FRMD4A: variants seen among roughly 807,000 people sequenced by gnomAD.
The protein encoded by FRMD4A is FERM domain-containing protein 4A.
In FRMD4A, 29 loss-of-function variants were observed where a neutral mutation model predicts 129.1. That is an observed-to-expected ratio of 0.22 (90% CI 0.17 to 0.31). The LOEUF (loss-of-function observed/expected upper bound fraction) is 0.31, where lower values mean the gene tolerates loss of function less well. Ranked by LOEUF, FRMD4A falls within the 10% of genes least tolerant of loss-of-function variation. The pLI, the probability that FRMD4A is intolerant of heterozygous loss-of-function variation, is 1.00. For synonymous variants in FRMD4A, 634 were observed against 571.6 expected, an observed-to-expected ratio of 1.11 and a Z score of -1.56; for missense variants, 1,272 against 1,375.8, an observed-to-expected ratio of 0.92 and a Z score of 1.19.
Position 13,753,618 on chromosome 10 carries a change from C to T in FRMD4A, c.465-5799G>A, listed in dbSNP as rs988376527. 7.6e-5 allele frequency among the ~76,000 whole-genome samples: 11 copies of T among 144,026 alleles called. 1 individual carries two copies. The highest frequency in any genetic ancestry group is 2.8e-4 in the African/African-American group (11 of 38,620). 94.5% of individuals were successfully genotyped at this position (144,026 alleles called of 152,430 possible). On this transcript the variant is annotated intron_variant, in intron 8 of 24. Coordinates refer to ENST00000357447, the MANE Select transcript of FRMD4A (RefSeq NM_018027.5). ...AGAGCGCAGTTTTGAGATCATGGCTCACTGCAGCCTCCACCTCCCAGGCTC... is the reference window on the plus strand; with the variant it reads ...AGAGCGCAGTTTTGAGATCATGGCTTACTGCAGCCTCCACCTCCCAGGCTC...
rs752540404 is a variant in FRMD4A at position 13,657,224 on chromosome 10, C to CCCGCTG, written c.2359_2364dup (p.Gln787_Arg788dup). ...CTGGCTGAGCCCAGTGCGCCCGCCG[C>CCCGCTG]CCGCTGCCGCTGCCTCTGCCTCTGG... On this transcript the variant is annotated inframe_insertion, in exon 22 of 25. Transcript: ENST00000357447. The CCCGCTG allele has an allele frequency of 5.4e-5, 85 of 1,565,770 alleles. No individual in the cohort carries two copies. The highest frequency in any genetic ancestry group is 4.0e-4 in the East Asian group (17 of 42,652).
intron 13 of FRMD4A, among the ~76,000 whole-genome samples, chr10:13,704,015 C>A (rs908517584): frequency 6.8e-6 from 1 of 147,888 alleles, no homozygotes; most frequent in Non-Finnish European, 1.5e-5. Flanking sequence ...AAAAACAAAA[C>A]AAACAAACAA....
At chr10:14,160,984 C>T (rs941618007) in intron 2 of FRMD4A, among the ~76,000 whole-genome samples, 7 of 151,926 alleles carry the variant, frequency 4.6e-5, no homozygotes, top group Non-Finnish European at 7.4e-5. Flanking sequence ...ACGGGAGTTT[C>T]ACTCTTGTCG....
chr10:13,995,624 G>A (rs1224086695), intron 2 of FRMD4A, among the ~76,000 whole-genome samples: 1 of 152,170 alleles, frequency 6.6e-6, no homozygotes, highest in East Asian at 1.9e-4. Flanking sequence ...CGCTATGGCT[G>A]AACCAAAAGC....
intron 2 of FRMD4A, among the ~76,000 whole-genome samples, chr10:14,004,340 C>T (rs1326589612): frequency 9.2e-5 from 14 of 152,222 alleles, no homozygotes; most frequent in South Asian, 4.1e-4. Context: ...GTCAGGAGTT[C>T]GAGACCAGCC....
chr10:14,157,509 G>C (rs1403766741), intron 2 of FRMD4A, among the ~76,000 whole-genome samples: 9 of 152,126 alleles, frequency 5.9e-5, no homozygotes. Flanking sequence ...TTAGAATGGG[G>C]ATGATCACAT....
chr10:13,821,948 C>G lies in FRMD4A; in HGVS notation c.112-11040G>C, dbSNP rs1165164344. ...ATCCTTTGCCCCCGCTAATGTTACA[C>G]TTAGGGGACAGAGCAGGTCTCGAAG... On this transcript the variant is annotated intron_variant, in intron 3 of 24. Coordinates refer to ENST00000357447, the MANE Select transcript of FRMD4A (RefSeq NM_018027.5). This position sits in a 1 kb window ranked among gnomAD's most constrained non-coding sequence, Gnocchi z 4.3. 6.6e-6 allele frequency among the ~76,000 whole-genome samples: 1 copy of G among 152,062 alleles called. No homozygotes were observed. The highest frequency in any genetic ancestry group is 2.4e-5 in the African/African-American group (1 of 41,400).
intron 2 of FRMD4A, among the ~76,000 whole-genome samples, chr10:13,932,159 T>C (rs2095205679): frequency 6.6e-6 from 1 of 152,232 alleles, no homozygotes; most frequent in Non-Finnish European, 1.5e-5. Flanking sequence ...AAGTCTAAGT[T>C]TTGCAGAAGC....
chr10:13,761,259 T>C (rs758673693), intron 8 of FRMD4A, among the ~76,000 whole-genome samples: 2 of 152,172 alleles, frequency 1.3e-5, no homozygotes, highest in Non-Finnish European at 2.9e-5. Flanking sequence ...AGGGACTACA[T>C]TGAGAGAAAA....
chr10:13,824,052 A>G (rs2093665623), intron 3 of FRMD4A, among the ~76,000 whole-genome samples: 1 of 152,204 alleles, frequency 6.6e-6, no homozygotes, highest in African/African-American at 2.4e-5. Flanking sequence ...CCAAGTTCAG[A>G]GGGGGTTAAA....
intron 6 of FRMD4A, among the ~76,000 whole-genome samples, chr10:13,762,918 C>T (rs749648786): frequency 2.6e-5 from 4 of 151,882 alleles, no homozygotes; most frequent in East Asian, 1.9e-4. Context: ...GAGGTTGTAG[C>T]GAGCTGTGAT....
At chr10:13,682,497 CT>C (rs1170963559) in intron 15 of FRMD4A, among the ~76,000 whole-genome samples, 7,541 of 55,692 alleles carry the variant, frequency 0.14, 380 homozygotes, top group African/African-American at 0.26. Context: ...TTCTTTCTTT[CT>C]TTTTTTTTTT....
intron 14 of FRMD4A, among the ~76,000 whole-genome samples, chr10:13,696,918 A>G (rs758826123): frequency 4.6e-5 from 7 of 152,230 alleles, no homozygotes; most frequent in Non-Finnish European, 8.8e-5. Flanking sequence ...GGCCATCGTA[A>G]TAAGAATAGG....
intron 2 of FRMD4A, among the ~76,000 whole-genome samples, chr10:14,268,376 T>A (rs1193408616): frequency 6.6e-6 from 1 of 152,238 alleles, no homozygotes; most frequent in Non-Finnish European, 1.5e-5. Context: ...TGATTTCTTT[T>A]TATAAATGTC....
chr10:14,010,517 C>T (rs1409715255), intron 2 of FRMD4A, among the ~76,000 whole-genome samples: 2 of 152,038 alleles, frequency 1.3e-5, no homozygotes, highest in Non-Finnish European at 2.9e-5. Flanking sequence ...GATAATGGAG[C>T]CCTCCCCAGT....
At chr10:14,127,968 T>TTCTCTCTC (rs1440627660) in intron 2 of FRMD4A, among the ~76,000 whole-genome samples, 8 of 33,640 alleles carry the variant, frequency 2.4e-4, no homozygotes, top group African/African-American at 7.5e-4. Context: ...CTTTCTTTCT[T>TTCTCTCTC]TCTTTCTTTC....
intron 2 of FRMD4A, among the ~76,000 whole-genome samples, chr10:14,295,255 T>G (rs1402008109): frequency 6.6e-6 from 1 of 152,178 alleles, no homozygotes; most frequent in Non-Finnish European, 1.5e-5. Flanking sequence ...TGCCTCCATG[T>G]GATGCCCTAG....
At chr10:13,794,894 C>T (rs1216636783) in intron 5 of FRMD4A, among the ~76,000 whole-genome samples, 2 of 152,196 alleles carry the variant, frequency 1.3e-5, no homozygotes, top group African/African-American at 2.4e-5. Flanking sequence ...TGCTAGGTTA[C>T]CTGCTTTTAT....
chr10:13,993,107 A>C (rs1588698709), intron 2 of FRMD4A, among the ~76,000 whole-genome samples: 1 of 152,158 alleles, frequency 6.6e-6, no homozygotes, highest in African/African-American at 2.4e-5. Flanking sequence ...AAGTTGCCTT[A>C]TCCGGCAAGA....
Sources: gnomAD v4.1 joint callset for allele counts (sites outside exome capture counted in the v4.1 genomes callset) on GRCh38, gnomAD v4.1.1 for gene constraint, Gnocchi (gnomAD v3.1) non-coding constraint, MANE v1.5 for transcripts, NCBI Gene and HGNC (gene_info 2026-07-23, HGNC 2026-07-21) for gene names.